IFFO2: variants seen among roughly 807,000 people sequenced by gnomAD.
IFFO2 encodes intermediate filament family orphan 2.
A neutral mutation model predicts 53.5 loss-of-function variants in IFFO2; 19 were observed. The ratio of observed to expected loss-of-function variants is 0.36; its 90% CI spans 0.25 to 0.52. IFFO2 has a LOEUF of 0.52. Ranked by LOEUF, IFFO2 falls within the 20% of genes least tolerant of loss-of-function variation. The pLI is 0.94. For synonymous variants in IFFO2, 303 were observed against 313.6 expected (o/e 0.97, Z 0.36); for missense variants, 570 against 727.4 (o/e 0.78, Z 2.49).
At chr1:18,911,317 G>T in intron 7 of IFFO2, 67 bp downstream of exon 7, 1 of 799,444 alleles carries the variant, frequency 1.3e-6, no homozygotes, top group Non-Finnish European at 1.8e-6. Flanking sequence ...GTGTTTGATC[G>T]CCAGGATCTC....
intron 1 of IFFO2, among the ~76,000 whole-genome samples, chr1:18,949,853 C>T (rs1187078403): frequency 3.3e-5 from 5 of 152,214 alleles, no homozygotes; most frequent in African/African-American, 4.8e-5. Context: ...CCCGGGGACC[C>T]GCATCCGGTC....
chr1:18,908,174 C>T lies in IFFO2; in HGVS notation c.*387G>A, dbSNP rs1275917312. Reference sequence around the variant, plus strand: ...GGACGGCAGAAACCACATTACACCACGGCCGGTTGGCCCGGCCCTCAGCTT... The same window carrying T: ...GGACGGCAGAAACCACATTACACCATGGCCGGTTGGCCCGGCCCTCAGCTT... On this transcript the variant is annotated 3_prime_UTR_variant, in exon 9 of 9. Transcript: ENST00000455833. 6.5e-5 allele frequency: 15 copies of T among 230,516 alleles called. No individual in the cohort carries two copies. The highest frequency in any genetic ancestry group is 1.2e-4 in the Non-Finnish European group (13 of 112,350). 14.3% of individuals were successfully genotyped at this position (230,516 alleles called of 1,614,324 possible). A position where few individuals can be genotyped will look rare whatever the true frequency, so the allele number is the denominator to read the frequency against.
At chr1:18,938,119 C>T (rs530280946) in intron 1 of IFFO2, among the ~76,000 whole-genome samples, 14 of 152,354 alleles carry the variant, frequency 9.2e-5, no homozygotes, top group East Asian at 3.9e-4. Flanking sequence ...AACACTTTGA[C>T]GTCAGGCAGA....
rs1936719211 is a variant in IFFO2 at position 18,955,903 on chromosome 1, G to T, written c.430C>A (p.Pro144Thr). The change falls in exon 1 of 9, where the codon CCC becomes ACC. Residue 144 changes from proline (P) to threonine (T), a missense_variant. Pro to Thr is a conservative substitution (Grantham distance 38). Coordinates refer to ENST00000455833, the MANE Select transcript of IFFO2 (RefSeq NM_001136265.2). ...TGCGGGTGCGAGCCGCCGCCGGGGG[G>T]CAGGCCGCCCAGGGCCACGGCATTG... ...NANAVALGGL[P>T]PGGGSHPQHY... 1.5e-6 allele frequency: 2 copies of T among 1,341,788 alleles called. No individual in the cohort carries two copies. Among genetic ancestry groups the T allele is most frequent in the East Asian group, 3.1e-5 (1 of 32,044 alleles). 83.1% of individuals were successfully genotyped at this position (1,341,788 alleles called of 1,614,324 possible). A position where few individuals can be genotyped will look rare whatever the true frequency, so the allele number is the denominator to read the frequency against.
intron 1 of IFFO2, among the ~76,000 whole-genome samples, chr1:18,931,270 T>C (rs1936371809): frequency 6.6e-6 from 1 of 152,124 alleles, no homozygotes; most frequent in South Asian, 2.1e-4. Flanking sequence ...ACTGCTTCTG[T>C]CTAGAAACTA....
chr1:18,913,378 C>A (rs1936069768), intron 5 of IFFO2, among the ~76,000 whole-genome samples: 1 of 152,364 alleles, frequency 6.6e-6, no homozygotes, highest in East Asian at 1.9e-4. Context: ...ACACTCAATT[C>A]CTGACTTCAC....
intron 1 of IFFO2, among the ~76,000 whole-genome samples, chr1:18,949,636 A>G (rs1027481199): frequency 6.6e-6 from 1 of 152,274 alleles, no homozygotes; most frequent in Non-Finnish European, 1.5e-5. Context: ...ATTCTCCTGG[A>G]AGGCAACGCA....
chr1:18,918,495 G>T lies in IFFO2; in HGVS notation c.830C>A (p.Thr277Lys), dbSNP rs1316860569. The change falls in exon 4 of 9, where the codon ACA becomes AAA. Residue 277 changes from threonine (T) to lysine (K), a missense_variant. Coordinates refer to ENST00000455833, the MANE Select transcript of IFFO2 (RefSeq NM_001136265.2). The surrounding 1 kb of genome is among the most constrained non-coding windows in gnomAD (Gnocchi z 5.2). ...VFKGLMSDPM[T>K]DLDTKIQEKA... ...TTCTTGGATCTTTGTGTCCAGGTCT[G>T]TCATGGGCTGCAGGGAGGACAGCAG... 6.4e-7 allele frequency: 1 copy of T among 1,553,420 alleles called. No individual in the cohort carries two copies. The highest frequency in any genetic ancestry group is 8.7e-7 in the Non-Finnish European group (1 of 1,147,848).
Position 18,947,914 on chromosome 1 carries a change from C to T in IFFO2, c.665+7754G>A, listed in dbSNP as rs553584084. Among the ~76,000 whole-genome samples, 1 of 152,246 alleles carries T rather than the reference C, an allele frequency of 6.6e-6. No homozygotes were observed. The highest frequency in any genetic ancestry group is 3.2e-3 in the Middle Eastern group (1 of 316). On this transcript the variant is annotated intron_variant, in intron 1 of 8. Coordinates refer to ENST00000455833, the MANE Select transcript of IFFO2 (RefSeq NM_001136265.2). This position sits in a 1 kb window ranked among gnomAD's most constrained non-coding sequence, Gnocchi z 5.0. ...TGCCTGCCTCCTCACCCTGAGCCAGCCTTTGGCAACCTCCAGGGGCATGGG... is the reference window on the plus strand; with the variant it reads ...TGCCTGCCTCCTCACCCTGAGCCAGTCTTTGGCAACCTCCAGGGGCATGGG...
At position 18,908,284 on chromosome 1, in the gene IFFO2, T is replaced by G; in HGVS notation, c.*277A>C. The G allele has an allele frequency of 2.3e-6, 1 of 434,220 alleles. No individual in the cohort carries two copies. Among genetic ancestry groups the G allele is most frequent in the African/African-American group, 2.0e-5 (1 of 49,848 alleles). The allele number at this position is 434,220 out of a possible 1,614,324, so 26.9% of individuals were successfully genotyped here. On this transcript the variant is annotated 3_prime_UTR_variant, in exon 9 of 9. Transcript: ENST00000455833. Reference sequence around the variant, plus strand: ...TTAAGGGAGAAGGCACAGTTAACACTGCAAAGTCCGCACAGAAGTCTGCAT... The same window carrying G: ...TTAAGGGAGAAGGCACAGTTAACACGGCAAAGTCCGCACAGAAGTCTGCAT...
At chr1:18,931,698 G>A (rs753135188) in intron 1 of IFFO2, among the ~76,000 whole-genome samples, 12 of 152,148 alleles carry the variant, frequency 7.9e-5, no homozygotes, top group African/African-American at 1.9e-4. Context: ...TCTGTGAGCC[G>A]GATGTTATCA....
At chr1:18,921,142 A>C in intron 1 of IFFO2, 21 bp from the exon 2 acceptor site, 1 of 1,551,058 alleles carries the variant, frequency 6.4e-7, no homozygotes, top group African/African-American at 1.4e-5. Context: ...CAAGAGGAAC[A>C]GGTGGTCAGA....
At position 18,917,382 on chromosome 1, in the gene IFFO2, G is replaced by C. The variant is rs1387630142; in HGVS notation, c.964-340C>G. On this transcript the variant is annotated intron_variant, in intron 4 of 8. Coordinates refer to ENST00000455833, the MANE Select transcript of IFFO2 (RefSeq NM_001136265.2). The surrounding 1 kb of genome is among the most constrained non-coding windows in gnomAD (Gnocchi z 5.9). ...ACAGAGTTGCCTGGGATATCTCAGAGCCAGCCAGAGAGATGGAGAACCCCT... is the reference window on the plus strand; with the variant it reads ...ACAGAGTTGCCTGGGATATCTCAGACCCAGCCAGAGAGATGGAGAACCCCT... Among the ~76,000 whole-genome samples, 1 of 152,196 alleles carries C rather than the reference G, an allele frequency of 6.6e-6. No homozygotes were observed. The highest frequency in any genetic ancestry group is 2.4e-5 in the African/African-American group (1 of 41,446).
In IFFO2 at chr1:18,917,098, TA is replaced by T; in HGVS notation, c.964-57del. The T allele has an allele frequency of 6.5e-7, 1 of 1,534,630 alleles. No homozygotes were observed. Among genetic ancestry groups the T allele is most frequent in the African/African-American group, 1.4e-5 (1 of 72,722 alleles). On this transcript the variant is annotated intron_variant, in intron 4 of 8. Transcript: ENST00000455833. This position sits in a 1 kb window ranked among gnomAD's most constrained non-coding sequence, Gnocchi z 5.9. The stretch of plus-strand genomic sequence containing the variant: ...TGGGGGGCTCGGCTAGGATGGAAGG[TA>T]GGGGTGAACTGGGAAGGGAGCCGGC...
chr1:18,946,352 G>T (rs921836602), intron 1 of IFFO2, among the ~76,000 whole-genome samples: 1 of 151,486 alleles, frequency 6.6e-6, no homozygotes, highest in African/African-American at 2.4e-5. Flanking sequence ...TACTACACAG[G>T]TTTAAGGTTG....
At chr1:18,911,863 G>C (rs937955391) in intron 6 of IFFO2, 100 bp downstream of exon 6, 2 of 1,424,134 alleles carry the variant, frequency 1.4e-6, no homozygotes, top group African/African-American at 2.8e-5. Context: ...TAGCTGTGTG[G>C]TGGGGGCTGT....
chr1:18,908,380 C>T lies in IFFO2; in HGVS notation c.*181G>A, dbSNP rs1935982091. 3.4e-6 allele frequency: 2 copies of T among 581,254 alleles called. No individual in the cohort carries two copies. The highest frequency in any genetic ancestry group is 1.9e-5 in the African/African-American group (1 of 53,418). The allele number at this position is 581,254 out of a possible 1,614,324, so 36.0% of individuals were successfully genotyped here. ...TGGGTGGGGGATGGAGACGGGGCAC[C>T]CGTTGGTGGTGTGGAAGGAAGGAAG... is the stretch of plus-strand genomic sequence containing the variant. On this transcript the variant is annotated 3_prime_UTR_variant, in exon 9 of 9. Transcript: ENST00000455833.
intron 1 of IFFO2, among the ~76,000 whole-genome samples, chr1:18,935,412 G>GC (rs977466449): frequency 6.6e-6 from 1 of 151,306 alleles, no homozygotes; most frequent in South Asian, 2.1e-4. Context: ...AACACCTCCA[G>GC]CCCCCCTGTG....
Position 18,919,151 on chromosome 1 carries a change from A to G in IFFO2, c.822+527T>C, listed in dbSNP as rs1936177847. ...GAGGAGACCTGGGTCCCCAGCAGCAAGGAGCCCTTTGCTGCCAACAGCTCC... is the reference window on the plus strand; with the variant it reads ...GAGGAGACCTGGGTCCCCAGCAGCAGGGAGCCCTTTGCTGCCAACAGCTCC... On this transcript the variant is annotated intron_variant, in intron 3 of 8. Transcript: ENST00000455833. This position sits in a 1 kb window ranked among gnomAD's most constrained non-coding sequence, Gnocchi z 4.9. Among the ~76,000 whole-genome samples the G allele has an allele frequency of 6.6e-6, 1 of 152,210 alleles. No homozygotes were observed. The highest frequency in any genetic ancestry group is 1.5e-5 in the Non-Finnish European group (1 of 68,028).
Sources: gnomAD v4.1 joint callset for allele counts (sites outside exome capture counted in the v4.1 genomes callset) on GRCh38, gnomAD v4.1.1 for gene constraint, Gnocchi (gnomAD v3.1) non-coding constraint, MANE v1.5 for transcripts, NCBI Gene and HGNC (gene_info 2026-07-23, HGNC 2026-07-21) for gene names.